The following MAML3 variants were observed in gnomAD, a reference collection of about 807,000 sequenced individuals.
MAML3 encodes mastermind like transcriptional coactivator 3, also known as mastermind-like protein 3.
MAML3 carries 27 observed loss-of-function variants against 101.9 expected under a neutral mutation model. That is an observed-to-expected ratio of 0.27 (90% CI 0.20 to 0.37). The LOEUF (loss-of-function observed/expected upper bound fraction) is 0.37, where lower values mean the gene tolerates loss of function less well. Among genes scored for constraint, MAML3 ranks in the 10% least tolerant of loss-of-function variants. MAML3 has a pLI of 1.00. For missense variants in MAML3, 1,316 were observed against 1,444.9 expected (o/e 0.91, Z 1.45); for synonymous variants, 501 against 555.9 (o/e 0.90, Z 1.39).
intron 1 of MAML3, among the ~76,000 whole-genome samples, chr4:140,093,492 C>T (rs1184338966): frequency 6.6e-6 from 1 of 150,790 alleles, no homozygotes; most frequent in Admixed American, 6.6e-5. Context: ...TCTCGGCTCA[C>T]TGCAATCTCT....
chr4:139,767,710 A>G (rs1729893521), intron 2 of MAML3, among the ~76,000 whole-genome samples: 1 of 152,228 alleles, frequency 6.6e-6, no homozygotes, highest in Admixed American at 6.5e-5. Context: ...AAGGTTATTA[A>G]CTTTGGTCTG....
chr4:139,764,128 T>C (rs554766909), intron 2 of MAML3, among the ~76,000 whole-genome samples: 9 of 152,336 alleles, frequency 5.9e-5, no homozygotes, highest in Admixed American at 5.9e-4. Context: ...AATCAATATA[T>C]TATTTTTTAA....
chr4:140,004,473 G>A (rs534472837), intron 1 of MAML3, among the ~76,000 whole-genome samples: 42 of 151,998 alleles, frequency 2.8e-4, no homozygotes, highest in East Asian at 1.4e-3. Flanking sequence ...CCTTCTGAGC[G>A]TCTACTTCAC....
At chr4:139,744,225 T>A (rs1453329953) in intron 2 of MAML3, among the ~76,000 whole-genome samples, 1 of 152,218 alleles carries the variant, frequency 6.6e-6, no homozygotes, top group Non-Finnish European at 1.5e-5. Context: ...GGTTCAGGGA[T>A]CTGGTTTGAG....
chr4:139,890,374 A>T lies in MAML3; in HGVS notation c.1062T>A (p.Ser354Arg), dbSNP rs183067553. Residue 354 changes from serine (S) to arginine (R), a missense_variant, in exon 2 of 5, where the codon AGT becomes AGA. Transcript: ENST00000509479. This position sits in a 1 kb window ranked among gnomAD's most constrained non-coding sequence, Gnocchi z 4.1. ...PATETPLSQE[S>R]ASVKSDPSHS... The stretch of plus-strand genomic sequence containing the variant: ...GAGAGGGGTCGCTCTTCACGCTCGC[A>T]CTCTCCTGGGAGAGAGGGGTCTCAG... 2.1e-5 allele frequency: 33 copies of T among 1,602,468 alleles called. No homozygotes were observed. The highest frequency in any genetic ancestry group is 2.8e-5 in the Non-Finnish European group (33 of 1,172,978).
In MAML3 at chr4:139,889,504, C is replaced by CTGCTGT. The variant is rs199544233; in HGVS notation, c.1926_1931dup (p.Gln649_Gln650dup). 32 of 1,609,866 alleles carry CTGCTGT rather than the reference C, an allele frequency of 2.0e-5. No individual in the cohort carries two copies. The highest frequency in any genetic ancestry group is 2.6e-5 in the Non-Finnish European group (30 of 1,176,430). ...GTGGCGGCTGCTGCTGCTGCTGCTG[C>CTGCTGT]TGCTGTTGCTGTTGCTGCTGCTGTT... On this transcript the variant is annotated inframe_insertion, in exon 2 of 5. Coordinates refer to ENST00000509479, the MANE Select transcript of MAML3 (RefSeq NM_018717.5).
intron 2 of MAML3, among the ~76,000 whole-genome samples, chr4:139,734,312 G>A (rs530083645): frequency 1.3e-5 from 2 of 152,326 alleles, no homozygotes; most frequent in East Asian, 3.9e-4. Flanking sequence ...ACCAGGCTGA[G>A]CTTTCGTCAT....
chr4:139,957,558 T>C (rs1426539315), intron 1 of MAML3, among the ~76,000 whole-genome samples: 3 of 152,224 alleles, frequency 2.0e-5, no homozygotes, highest in African/African-American at 7.2e-5. Flanking sequence ...GTTCCCTTTA[T>C]CACAGAGCCT....
At chr4:139,759,105 A>G (rs556936222) in intron 2 of MAML3, among the ~76,000 whole-genome samples, 1 of 152,344 alleles carries the variant, frequency 6.6e-6, no homozygotes, top group South Asian at 2.1e-4. Flanking sequence ...CTTCTCGCCC[A>G]TGTGATTTCT....
At chr4:139,834,536 G>A (rs1441867845) in intron 2 of MAML3, among the ~76,000 whole-genome samples, 3 of 152,174 alleles carry the variant, frequency 2.0e-5, no homozygotes, top group African/African-American at 7.2e-5. Context: ...GCTGGCAAAC[G>A]CAGATTCCAA....
intron 2 of MAML3, among the ~76,000 whole-genome samples, chr4:139,800,171 C>A (rs116842621): frequency 2.2e-4 from 34 of 152,128 alleles, no homozygotes; most frequent in African/African-American, 8.2e-4. Flanking sequence ...AAAAATGTTA[C>A]GTGCATCAAC....
rs201216378 is a variant in MAML3 at position 139,767,040 on chromosome 4, T to C, written c.2080-36373A>G. On this transcript the variant is annotated intron_variant, in intron 2 of 4. Transcript: ENST00000509479. Reference sequence around the variant, plus strand: ...TACACGTGACTATTATTGTCCACTTTATTATTATGTCAATGTGATTACTCT... The same window carrying C: ...TACACGTGACTATTATTGTCCACTTCATTATTATGTCAATGTGATTACTCT... Among the ~76,000 whole-genome samples, 78 of 152,362 alleles carry C rather than the reference T, an allele frequency of 5.1e-4. No homozygotes were observed. The East Asian group carries it at 0.013, about 24-fold the overall frequency.
intron 2 of MAML3, among the ~76,000 whole-genome samples, chr4:139,752,332 C>A (rs28675155): frequency 1.3e-5 from 2 of 152,156 alleles, no homozygotes; most frequent in Non-Finnish European, 2.9e-5. Context: ...GGTATTTAGG[C>A]CTGTGGTTGC....
intron 1 of MAML3, among the ~76,000 whole-genome samples, chr4:139,946,859 T>C (rs1319852552): frequency 1.4e-5 from 2 of 147,374 alleles, no homozygotes; most frequent in Admixed American, 6.9e-5. Flanking sequence ...AAAACAAAAA[T>C]AGCACCCAAA....
intron 2 of MAML3, among the ~76,000 whole-genome samples, chr4:139,846,340 T>C (rs1178509329): frequency 1.3e-5 from 2 of 152,040 alleles, no homozygotes; most frequent in Admixed American, 1.3e-4. Flanking sequence ...TAAAGATGTA[T>C]TTTATTTTAT....
At chr4:140,011,643 C>T (rs1470880963) in intron 1 of MAML3, among the ~76,000 whole-genome samples, 3 of 152,024 alleles carry the variant, frequency 2.0e-5, no homozygotes, top group Admixed American at 6.5e-5. Flanking sequence ...CGCGCCCGGC[C>T]GTTTTCTTGT....
chr4:139,990,724 T>C (rs1439425887), intron 1 of MAML3, among the ~76,000 whole-genome samples: 1 of 152,034 alleles, frequency 6.6e-6, no homozygotes, highest in Non-Finnish European at 1.5e-5. Context: ...AAAATCAATG[T>C]ACAAAAATCA....
At chr4:140,033,574 A>G (rs774196361) in intron 1 of MAML3, among the ~76,000 whole-genome samples, 10 of 152,172 alleles carry the variant, frequency 6.6e-5, no homozygotes, top group Non-Finnish European at 1.3e-4. Context: ...TTTATGTTAG[A>G]TGCTCCATAA....
intron 1 of MAML3, among the ~76,000 whole-genome samples, chr4:140,111,801 C>A (rs1025094234): frequency 1.3e-5 from 2 of 152,204 alleles, no homozygotes; most frequent in Non-Finnish European, 2.9e-5. Flanking sequence ...GGCTCAGAAA[C>A]CTCCTCTTAA....
Sources: allele counts gnomAD v4.1 joint callset (sites outside exome capture counted in the v4.1 genomes callset), GRCh38; gene constraint gnomAD v4.1.1; non-coding constraint Gnocchi (gnomAD v3.1); transcripts MANE v1.5; gene names NCBI Gene and HGNC (gene_info 2026-07-23, HGNC 2026-07-21).